The following NIM1K variants were observed in gnomAD, a reference collection of about 807,000 sequenced individuals.
NIM1K encodes the protein serine/threonine-protein kinase NIM1.
In NIM1K, 35 loss-of-function variants were observed where a neutral mutation model predicts 37.1. The ratio of observed to expected loss-of-function variants is 0.94; its 90% confidence interval spans 0.72 to 1.25. The LOEUF (loss-of-function observed/expected upper bound fraction) is 1.25, where lower values mean the gene tolerates loss of function less well. NIM1K is among the 50% of genes most tolerant of loss of function. The pLI, the probability that NIM1K is intolerant of heterozygous loss-of-function variation, is 0.00. For missense variants in NIM1K, 564 were observed against 548.0 expected, an observed-to-expected ratio of 1.03 and a Z score of -0.29; for synonymous variants, 234 against 206.6, an observed-to-expected ratio of 1.13 and a Z score of -1.14.
At chr5:43,270,071 G>T (rs1384996578) in intron 2 of NIM1K, among the ~76,000 whole-genome samples, 1 of 152,132 alleles carries the variant, frequency 6.6e-6, no homozygotes, top group African/African-American at 2.4e-5. Flanking sequence ...TTCATCATTT[G>T]CTTGTCTGGA....
At chr5:43,265,865 G>A (rs146769337) in intron 2 of NIM1K, among the ~76,000 whole-genome samples, 2 of 152,216 alleles carry the variant, frequency 1.3e-5, no homozygotes, top group Non-Finnish European at 1.5e-5. Flanking sequence ...TCAGCTGCAG[G>A]TCTGTTGGAG....
chr5:43,241,834 C>T (rs984162639), intron 1 of NIM1K, among the ~76,000 whole-genome samples: 1 of 151,858 alleles, frequency 6.6e-6, no homozygotes, highest in Non-Finnish European at 1.5e-5. Flanking sequence ...TCTTTAATGG[C>T]TTTCGCTGAG....
In NIM1K at chr5:43,277,091, G is replaced by A; in HGVS notation, c.327G>A (p.Lys109=). The A allele has an allele frequency of 5.0e-6, 8 of 1,614,096 alleles. No individual in the cohort carries two copies. Among genetic ancestry groups the A allele is most frequent in the African/African-American group, 1.3e-5 (1 of 75,016 alleles). ...CCATTAAGATCCTGGACAAGACCAA[G>A]TTAGACCAGAAAACCCAGAGGCTAC... ...KVAIKILDKT[K]LDQKTQRLLS... is the part of the protein sequence containing the mutation. The change falls in exon 3 of 4, where the codon AAG becomes AAA. Residue 109 remains lysine (K), a synonymous_variant. Transcript: ENST00000326035.
chr5:43,246,758 A>T (rs1244409338), intron 2 of NIM1K, among the ~76,000 whole-genome samples: 1 of 152,174 alleles, frequency 6.6e-6, no homozygotes, highest in Non-Finnish European at 1.5e-5. Context: ...AGCGCCCAGC[A>T]CTTTGGCCTC....
In NIM1K at chr5:43,245,564, AGCAGCTCCT is replaced by A. The variant is rs569011656; in HGVS notation, c.-210_-202del. ...GGTGGGAAATGTCTTGAGTGAGGCG[AGCAGCTCCT>A]GGCTGGGCTGGGCAGACTCAGCTAC... On this transcript the variant is annotated 5_prime_UTR_variant, in exon 2 of 4. Coordinates refer to ENST00000326035, the MANE Select transcript of NIM1K (RefSeq NM_153361.4). 3.2e-3 allele frequency: 1,542 copies of A among 482,492 alleles called. 1 individual carries two copies. Among genetic ancestry groups the A allele is most frequent in the Non-Finnish European group, 4.2e-3 (1,145 of 274,546 alleles). The allele number at this position is 482,492 out of a possible 1,614,324, so 29.9% of individuals were successfully genotyped here. A position where few individuals can be genotyped will look rare whatever the true frequency, so the allele number is the denominator to read the frequency against.
chr5:43,256,033 G>A (rs1420606654), intron 2 of NIM1K, among the ~76,000 whole-genome samples: 1 of 152,024 alleles, frequency 6.6e-6, no homozygotes, highest in Non-Finnish European at 1.5e-5. Context: ...GTTTGTCAAA[G>A]TAAGAAGTTT....
chr5:43,278,463 G>C (rs562111172), intron 3 of NIM1K, among the ~76,000 whole-genome samples: 1 of 152,174 alleles, frequency 6.6e-6, no homozygotes, highest in African/African-American at 2.4e-5. Context: ...AATTTTGGCC[G>C]TATTGCGGGC....
chr5:43,194,063 C>T (rs1751875588), intron 1 of NIM1K, among the ~76,000 whole-genome samples: 1 of 152,170 alleles, frequency 6.6e-6, no homozygotes, highest in South Asian at 2.1e-4. Flanking sequence ...AAACACTGCC[C>T]TCCAGCAAGT....
chr5:43,204,563 G>T (rs1372392011), intron 1 of NIM1K, among the ~76,000 whole-genome samples: 1 of 151,730 alleles, frequency 6.6e-6, no homozygotes. Context: ...AAATTAGGCG[G>T]GCATGGTGGT....
intron 1 of NIM1K, among the ~76,000 whole-genome samples, chr5:43,222,614 G>A (rs1208594772): frequency 6.6e-6 from 1 of 151,942 alleles, no homozygotes; most frequent in East Asian, 1.9e-4. Context: ...AATGCCTTTA[G>A]TCCCAGCTAC....
At chr5:43,276,830 G>T (rs147239986) in intron 2 of NIM1K, among the ~76,000 whole-genome samples, 30 of 152,254 alleles carry the variant, frequency 2.0e-4, no homozygotes, top group Non-Finnish European at 4.1e-4. Context: ...ACTTTCCTTG[G>T]GAGGCAGGAC....
At chr5:43,267,546 T>C (rs1375388452) in intron 2 of NIM1K, among the ~76,000 whole-genome samples, 1 of 152,184 alleles carries the variant, frequency 6.6e-6, no homozygotes, top group Admixed American at 6.5e-5. Flanking sequence ...GATGTTAGGG[T>C]GTCAAGTTGT....
chr5:43,254,099 ATGT>A (rs1296870736), intron 2 of NIM1K, among the ~76,000 whole-genome samples: 1 of 152,258 alleles, frequency 6.6e-6, no homozygotes, highest in African/African-American at 2.4e-5. Context: ...CAGATGGATG[ATGT>A]TGTTCATCTC....
intron 1 of NIM1K, among the ~76,000 whole-genome samples, chr5:43,241,847 C>A (rs1752708134): frequency 6.6e-6 from 1 of 151,822 alleles, no homozygotes; most frequent in Non-Finnish European, 1.5e-5. Context: ...TCGCTGAGAT[C>A]ATAAAAAAAT....
intron 1 of NIM1K, among the ~76,000 whole-genome samples, chr5:43,240,545 C>CTTT (rs56934664): frequency 2.2e-5 from 3 of 136,762 alleles, no homozygotes; most frequent in African/African-American, 8.2e-5. Flanking sequence ...CTTTCTTACA[C>CTTT]TTTTTTTTTT....
intron 2 of NIM1K, among the ~76,000 whole-genome samples, chr5:43,260,806 T>G (rs12519054): frequency 0.25 from 37,110 of 151,292 alleles, 5,144 homozygotes; most frequent in Middle Eastern, 0.44. Context: ...TTCCCCACCC[T>G]GTGTCCAGGT....
intron 1 of NIM1K, among the ~76,000 whole-genome samples, chr5:43,204,472 C>T (rs1318986227): frequency 4.9e-4 from 73 of 150,282 alleles, no homozygotes; most frequent in Admixed American, 4.8e-3. Context: ...GAGGCCGAGG[C>T]GGGTGGATCA....
chr5:43,229,384 CA>C (rs58730944), intron 1 of NIM1K, among the ~76,000 whole-genome samples: 29,144 of 89,106 alleles, frequency 0.33, 2,479 homozygotes, highest in Middle Eastern at 0.36. Flanking sequence ...AACTCCATCT[CA>C]AAAAAAAAAA....
At chr5:43,199,103 G>A (rs1751978545) in intron 1 of NIM1K, among the ~76,000 whole-genome samples, 1 of 149,442 alleles carries the variant, frequency 6.7e-6, no homozygotes, top group Admixed American at 6.7e-5. Flanking sequence ...CAGGAGAATA[G>A]CTTGAACCCG....
Sources: allele counts gnomAD v4.1 joint callset (sites outside exome capture counted in the v4.1 genomes callset), GRCh38; gene constraint gnomAD v4.1.1; transcripts MANE v1.5; gene names NCBI Gene and HGNC (gene_info 2026-07-23, HGNC 2026-07-21).